Variants in SSBP2 observed in about 807,000 individuals in gnomAD.
SSBP2 encodes the protein single-stranded DNA-binding protein 2.
A neutral mutation model predicts 61.8 loss-of-function variants in SSBP2; 17 were observed. That is an observed-to-expected ratio of 0.28 (90% CI 0.19 to 0.41). The LOEUF (loss-of-function observed/expected upper bound fraction) is 0.41, where lower values mean the gene tolerates loss of function less well. Ranked by LOEUF, SSBP2 falls within the 10% of genes least tolerant of loss-of-function variation. The pLI is 1.00. For synonymous variants in SSBP2, 139 were observed against 141.3 expected (o/e 0.98, Z 0.12); for missense variants, 310 against 458.7 (o/e 0.68, Z 2.96).
chr5:81,462,170 TA>T (rs1308651355), intron 9 of SSBP2, among the ~76,000 whole-genome samples: 4 of 148,188 alleles, frequency 2.7e-5, no homozygotes, highest in Admixed American at 6.7e-5. Flanking sequence ...GATGAGCTAA[TA>T]AAAAAAAAAG....
intron 4 of SSBP2, among the ~76,000 whole-genome samples, chr5:81,523,398 G>C (rs1339155976): frequency 6.6e-6 from 1 of 151,964 alleles, no homozygotes; most frequent in Non-Finnish European, 1.5e-5. Flanking sequence ...AAGAAAGAGT[G>C]TAACATAAGC....
intron 13 of SSBP2, 137 bp from the exon 14 acceptor site, chr5:81,440,773 G>A (rs969374489): frequency 4.9e-5 from 30 of 615,852 alleles, no homozygotes; most frequent in Non-Finnish European, 8.1e-5. Flanking sequence ...TTTACTTGAT[G>A]TTTTTCAGCC....
At chr5:81,674,547 G>A (rs1751816380) in intron 1 of SSBP2, among the ~76,000 whole-genome samples, 1 of 151,920 alleles carries the variant, frequency 6.6e-6, no homozygotes, top group East Asian at 1.9e-4. Context: ...ACAGTAAGAG[G>A]TATATCAGTA....
intron 5 of SSBP2, among the ~76,000 whole-genome samples, chr5:81,497,962 G>C (rs1314751086): frequency 6.6e-6 from 1 of 152,084 alleles, no homozygotes; most frequent in African/African-American, 2.4e-5. Flanking sequence ...CACAAGAACT[G>C]CTAACAATTC....
At chr5:81,513,938 G>T (rs894010013) in intron 4 of SSBP2, among the ~76,000 whole-genome samples, 2 of 152,134 alleles carry the variant, frequency 1.3e-5, no homozygotes, top group Admixed American at 1.3e-4. Flanking sequence ...TGAAGTCAAA[G>T]AACTTAAATA....
At chr5:81,469,525 T>C (rs1282186129) in intron 8 of SSBP2, among the ~76,000 whole-genome samples, 1 of 151,928 alleles carries the variant, frequency 6.6e-6, no homozygotes, top group East Asian at 1.9e-4. Context: ...TATCTAGACT[T>C]TCCCCATTAT....
At chr5:81,520,678 C>T (rs1360607342) in intron 4 of SSBP2, among the ~76,000 whole-genome samples, 1 of 151,982 alleles carries the variant, frequency 6.6e-6, no homozygotes, top group Admixed American at 6.6e-5. Flanking sequence ...TATAATTTCC[C>T]ATGGATACTT....
chr5:81,572,881 G>A (rs1773935948), intron 4 of SSBP2, among the ~76,000 whole-genome samples: 1 of 152,136 alleles, frequency 6.6e-6, no homozygotes, highest in African/African-American at 2.4e-5. Context: ...GTGAACTACA[G>A]CTCAAGTTTG....
intron 5 of SSBP2, among the ~76,000 whole-genome samples, chr5:81,501,075 G>A (rs188936375): frequency 3.1e-4 from 46 of 149,484 alleles, no homozygotes; most frequent in African/African-American, 9.0e-4. Flanking sequence ...TTAGCCGGGT[G>A]TGGTGGGCAC....
At chr5:81,578,320 C>T (rs891237246) in intron 4 of SSBP2, among the ~76,000 whole-genome samples, 6 of 151,964 alleles carry the variant, frequency 3.9e-5, no homozygotes, top group African/African-American at 1.4e-4. Context: ...ACCCTCTTCT[C>T]CTTGTTCCTT....
intron 12 of SSBP2, among the ~76,000 whole-genome samples, chr5:81,444,766 C>T (rs903534093): frequency 6.6e-6 from 1 of 152,000 alleles, no homozygotes; most frequent in Admixed American, 6.6e-5. Context: ...AGAAATTTAT[C>T]ATTTTAAAGA....
At chr5:81,465,678 A>G (rs1764842540) in intron 9 of SSBP2, among the ~76,000 whole-genome samples, 1 of 151,996 alleles carries the variant, frequency 6.6e-6, no homozygotes, top group Non-Finnish European at 1.5e-5. Flanking sequence ...TTAAAGTAAG[A>G]ATCTCATGTG....
At chr5:81,741,136 C>G (rs1405172783) in intron 1 of SSBP2, among the ~76,000 whole-genome samples, 1 of 152,198 alleles carries the variant, frequency 6.6e-6, no homozygotes, top group Non-Finnish European at 1.5e-5. Flanking sequence ...AAATATAAAA[C>G]CTCTGAGACT....
intron 1 of SSBP2, among the ~76,000 whole-genome samples, chr5:81,745,625 C>T (rs1757308240): frequency 6.6e-6 from 1 of 152,050 alleles, no homozygotes; most frequent in South Asian, 2.1e-4. Context: ...AAAGCAATAA[C>T]ATACACACAA....
intron 3 of SSBP2, among the ~76,000 whole-genome samples, chr5:81,622,007 G>A (rs959088145): frequency 6.1e-5 from 9 of 147,616 alleles, no homozygotes; most frequent in Non-Finnish European, 8.9e-5. Flanking sequence ...CCTAAGGCTA[G>A]ATGACGAGTT....
rs1016001138 is a variant in SSBP2, at chr5:81,489,124, G to C, written c.432+126C>G. 18 of 852,134 alleles carry C rather than the reference G, an allele frequency of 2.1e-5. No homozygotes were observed. In the African/African-American group the frequency reaches 2.3e-4, roughly 11 times the overall value. The allele number at this position is 852,134 out of a possible 1,614,324, so 52.8% of individuals were successfully genotyped here. On this transcript the variant is annotated intron_variant, in intron 6 of 16. Coordinates refer to ENST00000320672, the MANE Select transcript of SSBP2 (RefSeq NM_012446.5). ...CTGTAGTTTGCCAACCCTTGAAGCA[G>C]ACTAGAAATAGCATTAAATGGGACA...
intron 4 of SSBP2, among the ~76,000 whole-genome samples, chr5:81,559,247 C>A (rs182958619): frequency 4.0e-4 from 61 of 152,044 alleles, no homozygotes; most frequent in Non-Finnish European, 7.7e-4. Context: ...ATCAGCCGGG[C>A]GTGGTGGGCC....
In SSBP2 at chr5:81,698,119, T is replaced by C. The variant is rs374611175; in HGVS notation, c.63-47780A>G. 5.9e-5 allele frequency among the ~76,000 whole-genome samples: 9 copies of C among 152,230 alleles called. No individual in the cohort carries two copies. The South Asian group carries it at 8.3e-4, about 14-fold the overall frequency. The stretch of plus-strand genomic sequence containing the variant: ...GACTATGACTAACATAGAATATAAA[T>C]GAACTACAAAGAAAATACACTGAAA... On this transcript the variant is annotated intron_variant, in intron 1 of 16. Coordinates refer to ENST00000320672, the MANE Select transcript of SSBP2 (RefSeq NM_012446.5).
rs184812353 is a variant in SSBP2 at position 81,643,468 on chromosome 5, T to A, written c.135+6799A>T. Among the ~76,000 whole-genome samples, 4 of 152,280 alleles carry A rather than the reference T, an allele frequency of 2.6e-5. No individual in the cohort carries two copies. The East Asian group carries it at 5.8e-4, about 22-fold the overall frequency. ...CTTTCTAGACTAAATTCCTGAGACT[T>A]CTAATTTAGACATAACCTACTGTTC... is the stretch of plus-strand genomic sequence containing the variant. On this transcript the variant is annotated intron_variant, in intron 2 of 16. Coordinates refer to ENST00000320672, the MANE Select transcript of SSBP2 (RefSeq NM_012446.5).
Sources: gnomAD v4.1 joint callset for allele counts (sites outside exome capture counted in the v4.1 genomes callset) on GRCh38, gnomAD v4.1.1 for gene constraint, MANE v1.5 for transcripts, NCBI Gene and HGNC (gene_info 2026-07-23, HGNC 2026-07-21) for gene names.